The following FBXO16 variants were observed in gnomAD, a reference collection of about 807,000 sequenced individuals.
FBXO16 encodes F-box protein 16.
A neutral mutation model predicts 41.0 loss-of-function variants in FBXO16; 31 were observed. The observed-to-expected ratio is 0.76, with a 90% CI of 0.57 to 1.02. The LOEUF is 1.02. FBXO16 is among the 50% of genes least tolerant of loss of function. The pLI is 0.00. For missense variants in FBXO16, 361 were observed against 346.2 expected (o/e 1.04, Z -0.34); for synonymous variants, 133 against 117.8 (o/e 1.13, Z -0.84).
At chr8:28,478,821 C>CAA (rs35959759) in intron 2 of FBXO16, among the ~76,000 whole-genome samples, 13 of 117,804 alleles carry the variant, frequency 1.1e-4, no homozygotes, top group Non-Finnish European at 1.4e-4. Flanking sequence ...ATTCTGTCTC[C>CAA]AAAAAAAAAA....
intron 7 of FBXO16, among the ~76,000 whole-genome samples, chr8:28,443,345 C>G (rs904659848): frequency 6.6e-6 from 1 of 152,034 alleles, no homozygotes; most frequent in Non-Finnish European, 1.5e-5. Context: ...TTTTATTCTC[C>G]CATTATCTTC....
chr8:28,437,541 A>G (rs1802704562), intron 7 of FBXO16, among the ~76,000 whole-genome samples: 1 of 152,226 alleles, frequency 6.6e-6, no homozygotes, highest in Admixed American at 6.5e-5. Context: ...ACTGAGTTCA[A>G]CACACATGCA....
chr8:28,461,131 A>G (rs1306913901), intron 4 of FBXO16, among the ~76,000 whole-genome samples: 1 of 149,744 alleles, frequency 6.7e-6, no homozygotes, highest in East Asian at 2.0e-4. Context: ...GATAGTTGCA[A>G]CTTATTTACC....
intron 7 of FBXO16, among the ~76,000 whole-genome samples, chr8:28,444,147 T>G (rs1272590060): frequency 6.6e-6 from 1 of 152,126 alleles, no homozygotes. Flanking sequence ...ATACATGATT[T>G]TCTGCACTGG....
At chr8:28,469,503 T>C (rs1360825846) in intron 3 of FBXO16, among the ~76,000 whole-genome samples, 1 of 152,140 alleles carries the variant, frequency 6.6e-6, no homozygotes, top group Admixed American at 6.5e-5. Context: ...TGGAAGATTG[T>C]CATGCATTTC....
At chr8:28,471,868 G>A (rs1369064527) in intron 3 of FBXO16, among the ~76,000 whole-genome samples, 1 of 149,702 alleles carries the variant, frequency 6.7e-6, no homozygotes, top group Non-Finnish European at 1.5e-5. Context: ...ACCCAGGGAT[G>A]GCCATTGAGA....
At chr8:28,451,395 GT>G (rs1802951242) in intron 6 of FBXO16, among the ~76,000 whole-genome samples, 1 of 123,374 alleles carries the variant, frequency 8.1e-6, no homozygotes, top group African/African-American at 3.1e-5. Context: ...TTTTTTTTTT[GT>G]TTTTTGTTTT....
At chr8:28,464,757 G>C (rs60513309) in intron 3 of FBXO16, among the ~76,000 whole-genome samples, 2,556 of 152,202 alleles carry the variant, frequency 0.017, 77 homozygotes, top group East Asian at 0.13. Flanking sequence ...GGGTTCAAGT[G>C]ATTCTCCTGC....
chr8:28,469,014 A>T (rs77107398), intron 3 of FBXO16, among the ~76,000 whole-genome samples: 4,711 of 152,110 alleles, frequency 0.031, 246 homozygotes, highest in African/African-American at 0.11. Flanking sequence ...TTAAAAAAAA[A>T]TTTTTTTATT....
chr8:28,465,830 C>G (rs549364869), intron 3 of FBXO16, among the ~76,000 whole-genome samples: 5 of 147,136 alleles, frequency 3.4e-5, no homozygotes, highest in Non-Finnish European at 5.9e-5. Context: ...GTTTTTGGTC[C>G]TGGTTTTCAT....
intron 1 of FBXO16, among the ~76,000 whole-genome samples, chr8:28,488,079 C>G (rs1346625227): frequency 1.3e-5 from 2 of 151,914 alleles, no homozygotes; most frequent in Non-Finnish European, 2.9e-5. Flanking sequence ...TCTCAAACTC[C>G]TGACCTCGTG....
intron 2 of FBXO16, among the ~76,000 whole-genome samples, chr8:28,477,608 T>C (rs985579874): frequency 1.3e-5 from 2 of 152,240 alleles, no homozygotes; most frequent in Non-Finnish European, 2.9e-5. Context: ...ATATTTATGT[T>C]CTAATTTGTT....
At chr8:28,481,604 G>A (rs1803514010) in intron 2 of FBXO16, among the ~76,000 whole-genome samples, 1 of 151,776 alleles carries the variant, frequency 6.6e-6, no homozygotes, top group African/African-American at 2.4e-5. Flanking sequence ...GAGGTCAAGA[G>A]GTCGAGACCA....
intron 1 of FBXO16, among the ~76,000 whole-genome samples, chr8:28,487,256 C>T (rs151035412): frequency 9.9e-5 from 15 of 152,146 alleles, no homozygotes; most frequent in African/African-American, 3.1e-4. Context: ...CCAATGTGGA[C>T]GTCCTGCCTC....
intron 1 of FBXO16, among the ~76,000 whole-genome samples, chr8:28,483,667 G>C (rs187749043): frequency 6.7e-6 from 1 of 149,784 alleles, no homozygotes; most frequent in Non-Finnish European, 1.5e-5. Context: ...AAAAATAAAT[G>C]TAATAAACAA....
chr8:28,489,364 C>T (rs938042271), intron 1 of FBXO16, among the ~76,000 whole-genome samples: 1 of 151,610 alleles, frequency 6.6e-6, no homozygotes, highest in Non-Finnish European at 1.5e-5. Flanking sequence ...AACACCAACA[C>T]CACCACCACC....
rs570018770 is a variant in FBXO16 at position 28,474,393 on chromosome 8, A to G, written c.100-586T>C. Among the ~76,000 whole-genome samples the G allele has an allele frequency of 7.3e-5, 11 of 151,084 alleles. 1 individual carries two copies. In the East Asian group the frequency reaches 1.9e-3, roughly 27 times the overall value. ...AAAAGAAAAAATGAAAGAAAAGAAA[A>G]GAAAAAATAGTTTTTTTAAAGTGAA... On this transcript the variant is annotated intron_variant, in intron 2 of 8. Coordinates refer to ENST00000380254, the MANE Select transcript of FBXO16 (RefSeq NM_172366.4).
At chr8:28,447,347 C>T (rs1022117465) in intron 6 of FBXO16, 74 bp from the exon 7 acceptor site, 94 of 1,279,750 alleles carry the variant, frequency 7.3e-5, no homozygotes, top group Non-Finnish European at 9.3e-5. Flanking sequence ...AGCTATTTGT[C>T]TGTTTGAGTT....
In FBXO16 at chr8:28,463,838, C is replaced by G. The variant is rs183063119; in HGVS notation, c.136-20G>C. ...GTCAAACTGGAAACACAAAACAAAG[C>G]AAAATGTAAAAAGCTCCAGGTTTAG... On this transcript the variant is annotated intron_variant, in intron 3 of 8. Transcript: ENST00000380254. 6.2e-7 allele frequency: 1 copy of G among 1,609,910 alleles called. No homozygotes were observed. The highest frequency in any genetic ancestry group is 1.1e-5 in the South Asian group (1 of 90,944).
Sources: gnomAD v4.1 joint callset for allele counts (sites outside exome capture counted in the v4.1 genomes callset) on GRCh38, gnomAD v4.1.1 for gene constraint, MANE v1.5 for transcripts, NCBI Gene and HGNC (gene_info 2026-07-23, HGNC 2026-07-21) for gene names.